Variants in SMYD3 observed in about 807,000 individuals in gnomAD.
SMYD3 encodes the protein histone-lysine N-methyltransferase SMYD3.
SMYD3 carries 36 observed loss-of-function variants against 57.7 expected under a neutral mutation model. The observed-to-expected ratio is 0.62, with a 90% CI of 0.48 to 0.82. SMYD3 has a LOEUF of 0.82. Among genes scored for constraint, SMYD3 ranks in the 40% least tolerant of loss-of-function variants. The pLI, the probability that SMYD3 is intolerant of heterozygous loss-of-function variation, is 0.00. For synonymous variants in SMYD3, 211 were observed against 195.0 expected (o/e 1.08, Z -0.68); for missense variants, 515 against 538.8 (o/e 0.96, Z 0.44).
At chr1:246,035,904 G>A (rs12079009) in intron 5 of SMYD3, among the ~76,000 whole-genome samples, 7,987 of 152,176 alleles carry the variant, frequency 0.052, 578 homozygotes, top group African/African-American at 0.16. Context: ...TTCTAAAGAT[G>A]CAGCTCTAAA....
In SMYD3 at chr1:245,915,725, G is replaced by A. The variant is rs887258926; in HGVS notation, c.703-85C>T. ...ATGGTTATTATTATTGCTAATTATT[G>A]GAGTAAAACTTGTTTTTATTATAAA... On this transcript the variant is annotated intron_variant, in intron 7 of 11. Transcript: ENST00000490107. 2.9e-5 allele frequency: 25 copies of A among 848,660 alleles called. No homozygotes were observed. In the South Asian group the frequency reaches 3.8e-4, roughly 13 times the overall value. The allele number at this position is 848,660 out of a possible 1,614,324, so 52.6% of individuals were successfully genotyped here.
At chr1:245,827,638 A>T (rs1254696767) in intron 10 of SMYD3, among the ~76,000 whole-genome samples, 3 of 152,048 alleles carry the variant, frequency 2.0e-5, no homozygotes, top group Admixed American at 1.3e-4. Context: ...TGATCTTCCA[A>T]GGAGGAAAGT....
intron 10 of SMYD3, among the ~76,000 whole-genome samples, chr1:245,770,559 T>C (rs2046294001): frequency 6.6e-6 from 1 of 152,218 alleles, no homozygotes; most frequent in Non-Finnish European, 1.5e-5. Flanking sequence ...GATAACATCA[T>C]CCTCAGCCTC....
At chr1:246,286,705 T>C (rs988481191) in intron 5 of SMYD3, among the ~76,000 whole-genome samples, 4 of 152,170 alleles carry the variant, frequency 2.6e-5, no homozygotes, top group Non-Finnish European at 5.9e-5. Flanking sequence ...ACACTCAATA[T>C]TTATTAACTA....
chr1:245,803,186 A>G (rs975540459), intron 10 of SMYD3, among the ~76,000 whole-genome samples: 1 of 152,238 alleles, frequency 6.6e-6, no homozygotes, highest in Non-Finnish European at 1.5e-5. Flanking sequence ...AAAGATGGTC[A>G]TCTTGCACCT....
intron 1 of SMYD3, among the ~76,000 whole-genome samples, chr1:246,485,679 G>A (rs1290770106): frequency 1.3e-5 from 2 of 152,054 alleles, no homozygotes; most frequent in Non-Finnish European, 2.9e-5. Context: ...TGTAGTCCCA[G>A]CTATTTGGGC....
intron 1 of SMYD3, among the ~76,000 whole-genome samples, chr1:246,440,732 T>G (rs1176062403): frequency 6.6e-6 from 1 of 152,116 alleles, no homozygotes; most frequent in Admixed American, 6.5e-5. Context: ...CAAAGGGTAA[T>G]TAAAACAACC....
rs116253813 is a variant in SMYD3, at chr1:246,157,925, T to G, written c.531+169276A>C. ...CAGTGAGACCCCACTAGGTTGAAGA[T>G]TGCAGGAAGCTGAGATGCTTAAATT... is the stretch of plus-strand genomic sequence containing the variant. On this transcript the variant is annotated intron_variant, in intron 5 of 11. Transcript: ENST00000490107. Among the ~76,000 whole-genome samples the G allele has an allele frequency of 8.6e-3, 1,303 of 152,354 alleles. 18 individuals are homozygous for G. The highest frequency in any genetic ancestry group is 0.03 in the African/African-American group (1,243 of 41,578).
chr1:246,376,740 G>A (rs1445666247), intron 1 of SMYD3, among the ~76,000 whole-genome samples: 1 of 151,964 alleles, frequency 6.6e-6, no homozygotes, highest in Non-Finnish European at 1.5e-5. Flanking sequence ...TCTTAAAGAG[G>A]CTTTACTTAG....
At chr1:246,192,262 CTATTTT>C (rs2062750881) in intron 5 of SMYD3, among the ~76,000 whole-genome samples, 1 of 152,080 alleles carries the variant, frequency 6.6e-6, no homozygotes, top group Admixed American at 6.5e-5. Context: ...TCATGCTCAG[CTATTTT>C]TTATTTTATT....
intron 8 of SMYD3, among the ~76,000 whole-genome samples, chr1:245,908,841 T>C (rs2054764296): frequency 6.6e-6 from 1 of 152,058 alleles, no homozygotes; most frequent in Non-Finnish European, 1.5e-5. Context: ...TTTATAGCAA[T>C]AAACACCTCT....
At chr1:246,407,049 T>A (rs745904446) in intron 1 of SMYD3, among the ~76,000 whole-genome samples, 5 of 152,234 alleles carry the variant, frequency 3.3e-5, no homozygotes, top group Admixed American at 6.5e-5. Flanking sequence ...AGGGTTGGCA[T>A]TGCCCCCTGG....
At chr1:246,499,866 G>T (rs918486076) in intron 1 of SMYD3, among the ~76,000 whole-genome samples, 2 of 152,056 alleles carry the variant, frequency 1.3e-5, no homozygotes, top group African/African-American at 4.8e-5. Context: ...TCTCAATAAC[G>T]TTTTTTAAAT....
At chr1:246,338,253 G>C (rs76658454) in intron 2 of SMYD3, among the ~76,000 whole-genome samples, 1 of 152,090 alleles carries the variant, frequency 6.6e-6, no homozygotes, top group Non-Finnish European at 1.5e-5. Context: ...CTTACCATAA[G>C]GGTTACGAAT....
Position 245,822,102 on chromosome 1 carries a change from G to A in SMYD3, c.1076+36394C>T, listed in dbSNP as rs1463005824. On this transcript the variant is annotated intron_variant, in intron 10 of 11. Coordinates refer to ENST00000490107, the MANE Select transcript of SMYD3 (RefSeq NM_001167740.2). Reference sequence around the variant, plus strand: ...GCTATAAAGACACATGCACACGTATGTTTATTGCGGCATTATTCACAATAG... The same window carrying A: ...GCTATAAAGACACATGCACACGTATATTTATTGCGGCATTATTCACAATAG... 4.6e-5 allele frequency among the ~76,000 whole-genome samples: 7 copies of A among 152,246 alleles called. No individual in the cohort carries two copies. In the East Asian group the frequency reaches 1.4e-3, roughly 29 times the overall value.
intron 11 of SMYD3, among the ~76,000 whole-genome samples, chr1:245,751,546 G>C (rs11582829): frequency 6.8e-6 from 1 of 148,064 alleles, no homozygotes; most frequent in Non-Finnish European, 1.5e-5. Context: ...GAGAGAAAGA[G>C]AGAGAGAGAC....
chr1:245,976,931 CCTAGGGAAAGCCATCGTCTCT>C (rs1558550908), intron 5 of SMYD3, among the ~76,000 whole-genome samples: 4 of 58,946 alleles, frequency 6.8e-5, no homozygotes, highest in Admixed American at 1.7e-4. Flanking sequence ...TCGTCTCTAG[CCTAGGGAAAGCCATCGTCTCT>C]AGCCTAGGGA....
chr1:245,986,946 T>A (rs2058717478), intron 5 of SMYD3, among the ~76,000 whole-genome samples: 1 of 152,266 alleles, frequency 6.6e-6, no homozygotes, highest in Non-Finnish European at 1.5e-5. Flanking sequence ...ATTTGCATTT[T>A]ATGTAAATGT....
At chr1:246,326,520 T>C (rs1373881651) in intron 5 of SMYD3, 1 of 521,836 alleles carries the variant, frequency 1.9e-6, no homozygotes, top group Non-Finnish European at 3.3e-6. Context: ...GCGCCTGTAA[T>C]CCCAGCACTT....
Sources: allele counts gnomAD v4.1 joint callset (sites outside exome capture counted in the v4.1 genomes callset), GRCh38; gene constraint gnomAD v4.1.1; transcripts MANE v1.5; gene names NCBI Gene and HGNC (gene_info 2026-07-23, HGNC 2026-07-21).